The following PMS1 variants were observed in gnomAD, a reference collection of about 807,000 sequenced individuals.
PMS1 encodes PMS1 homolog 1, mismatch repair system component.
PMS1 carries 79 observed loss-of-function variants against 93.1 expected under a neutral mutation model. The observed-to-expected ratio is 0.85, with a 90% confidence interval of 0.71 to 1.02. The LOEUF (loss-of-function observed/expected upper bound fraction) is 1.02. PMS1 is among the 50% of genes least tolerant of loss of function. The pLI is 0.00. For missense variants in PMS1, 1,064 were observed against 1,085.3 expected (o/e 0.98, Z 0.28); for synonymous variants, 335 against 363.4 (o/e 0.92, Z 0.89).
chr2:189,863,724 A>C lies in PMS1; in HGVS notation c.1857-19A>C, dbSNP rs773026596. ...TTCTGATTATGATCTCATTAGTTCT[A>C]TTTTATTTCTATTCTTAGATATGAA... On this transcript the variant is annotated intron_variant, in intron 9 of 12. Coordinates refer to ENST00000441310, the MANE Select transcript of PMS1 (RefSeq NM_000534.5). 10 of 1,541,634 alleles carry C rather than the reference A, an allele frequency of 6.5e-6. No homozygotes were observed. The highest frequency in any genetic ancestry group is 4.5e-5 in the East Asian group (2 of 44,540).
intron 1 of PMS1, among the ~76,000 whole-genome samples, chr2:189,788,275 G>T (rs2048539728): frequency 6.6e-6 from 1 of 152,156 alleles, no homozygotes; most frequent in African/African-American, 2.4e-5. Context: ...TTGGGGTAGG[G>T]GTTAGAGGTG....
chr2:189,832,790 C>T (rs1031808760), intron 5 of PMS1, among the ~76,000 whole-genome samples: 2 of 152,070 alleles, frequency 1.3e-5, no homozygotes, highest in African/African-American at 4.8e-5. Context: ...CAAATATTGT[C>T]GTATTTACCT....
chr2:189,821,115 T>C (rs1041318765), intron 5 of PMS1, among the ~76,000 whole-genome samples: 1 of 151,220 alleles, frequency 6.6e-6, no homozygotes, highest in Non-Finnish European at 1.5e-5. Flanking sequence ...GAAGGAAAAA[T>C]AGATGAAAAA....
chr2:189,835,771 CA>C (rs997035027), intron 5 of PMS1, among the ~76,000 whole-genome samples: 7 of 151,452 alleles, frequency 4.6e-5, no homozygotes, highest in Non-Finnish European at 1.0e-4. Flanking sequence ...TCAAAACGTA[CA>C]AAAAAATTAG....
At chr2:189,831,658 T>C (rs1025108745) in intron 5 of PMS1, among the ~76,000 whole-genome samples, 3 of 152,198 alleles carry the variant, frequency 2.0e-5, no homozygotes, top group Non-Finnish European at 4.4e-5. Context: ...ATTTTACTCC[T>C]AAAAGAAGCT....
chr2:189,873,489 C>A lies in PMS1; in HGVS notation c.2474-7C>A, dbSNP rs767622075. 1.0e-4 allele frequency: 162 copies of A among 1,570,106 alleles called. No individual in the cohort carries two copies. Among genetic ancestry groups the A allele is most frequent in the Non-Finnish European group, 1.2e-4 (141 of 1,142,472 alleles). On this transcript the variant is annotated splice_polypyrimidine_tract_variant and splice_region_variant and intron_variant, in intron 11 of 12. Transcript: ENST00000441310. Reference sequence around the variant, plus strand: ...TTAACTATGTGTTTTTATTTTTTTTCTTTCAGGAGTTTCAATTACTGAAAA... The same window carrying A: ...TTAACTATGTGTTTTTATTTTTTTTATTTCAGGAGTTTCAATTACTGAAAA...
At chr2:189,837,801 A>T (rs1173184198) in intron 5 of PMS1, among the ~76,000 whole-genome samples, 2 of 152,244 alleles carry the variant, frequency 1.3e-5, no homozygotes, top group Admixed American at 1.3e-4. Context: ...TCATTAACTC[A>T]TAAAAGGATA....
intron 3 of PMS1, among the ~76,000 whole-genome samples, chr2:189,797,089 C>G (rs2049427222): frequency 6.6e-6 from 1 of 152,092 alleles, no homozygotes; most frequent in Admixed American, 6.5e-5. Context: ...TTTCCTATAC[C>G]TACTTGACCA....
chr2:189,873,671 A>G lies in PMS1; in HGVS notation c.2634+15A>G, dbSNP rs1427824530. On this transcript the variant is annotated intron_variant, in intron 12 of 12. Transcript: ENST00000441310. ...GTTATTTAGAGGTACGCATTATTTT[A>G]TATATATGTTATTGTATACAGGGGT... 1.3e-6 allele frequency: 2 copies of G among 1,579,078 alleles called. No individual in the cohort carries two copies. The highest frequency in any genetic ancestry group is 1.7e-6 in the Non-Finnish European group (2 of 1,149,572).
At chr2:189,828,984 G>A (rs1263318648) in intron 5 of PMS1, among the ~76,000 whole-genome samples, 1 of 151,588 alleles carries the variant, frequency 6.6e-6, no homozygotes, top group Non-Finnish European at 1.5e-5. Flanking sequence ...AAATCTTTTA[G>A]CAAATAGTGT....
intron 3 of PMS1, among the ~76,000 whole-genome samples, chr2:189,797,544 G>A (rs1236994646): frequency 6.6e-6 from 1 of 152,166 alleles, no homozygotes; most frequent in Non-Finnish European, 1.5e-5. Flanking sequence ...CTATGTGCCA[G>A]GTGACAGGGT....
At chr2:189,810,563 A>G (rs184257496) in intron 4 of PMS1, among the ~76,000 whole-genome samples, 1 of 152,336 alleles carries the variant, frequency 6.6e-6, no homozygotes, top group Admixed American at 6.5e-5. Flanking sequence ...GGGATCCTCA[A>G]ACAGAGCTAG....
At chr2:189,820,055 G>A (rs2051688282) in intron 5 of PMS1, among the ~76,000 whole-genome samples, 1 of 152,218 alleles carries the variant, frequency 6.6e-6, no homozygotes, top group Admixed American at 6.5e-5. Flanking sequence ...AACCTGATGG[G>A]AAATAGGGAA....
chr2:189,805,321 C>T (rs1266061918), intron 3 of PMS1, among the ~76,000 whole-genome samples: 10 of 151,966 alleles, frequency 6.6e-5, no homozygotes, highest in African/African-American at 2.4e-4. Context: ...AAGCAAGTTC[C>T]CTTAATACAG....
intron 10 of PMS1, among the ~76,000 whole-genome samples, chr2:189,864,779 T>C (rs1478929849): frequency 2.3e-5 from 3 of 128,102 alleles, no homozygotes; most frequent in Admixed American, 8.8e-5. Context: ...AGTATCAGAA[T>C]ACTCTAGATA....
At chr2:189,832,736 A>G (rs946860419) in intron 5 of PMS1, among the ~76,000 whole-genome samples, 16 of 152,220 alleles carry the variant, frequency 1.1e-4, no homozygotes, top group African/African-American at 3.9e-4. Flanking sequence ...TTCTTTAAAC[A>G]GTATTAAGAA....
intron 9 of PMS1, among the ~76,000 whole-genome samples, chr2:189,858,766 AT>A (rs561953310): frequency 1.4e-4 from 22 of 152,294 alleles, no homozygotes; most frequent in African/African-American, 5.3e-4. Context: ...TAAGTAGAAA[AT>A]AACTTTAAAA....
At chr2:189,834,909 T>C (rs1305914045) in intron 5 of PMS1, among the ~76,000 whole-genome samples, 1 of 152,190 alleles carries the variant, frequency 6.6e-6, no homozygotes, top group East Asian at 1.9e-4. Flanking sequence ...TTTTAATTTT[T>C]TGTAGAGACA....
intron 6 of PMS1, 130 bp downstream of exon 6, chr2:189,844,210 A>T: frequency 6.8e-7 from 1 of 1,461,102 alleles, no homozygotes; most frequent in South Asian, 1.3e-5. Context: ...GTGTAAGGTA[A>T]AACAGTCAAT....
Sources: allele counts gnomAD v4.1 joint callset (sites outside exome capture counted in the v4.1 genomes callset), GRCh38; gene constraint gnomAD v4.1.1; transcripts MANE v1.5; gene names NCBI Gene and HGNC (gene_info 2026-07-23, HGNC 2026-07-21).